Variants in R3HCC1L observed in about 807,000 individuals in gnomAD.
R3HCC1L encodes the protein coiled-coil domain-containing protein R3HCC1L.
A neutral mutation model predicts 59.9 loss-of-function variants in R3HCC1L; 51 were observed. The observed-to-expected ratio is 0.85, with a 90% CI of 0.68 to 1.07. The LOEUF is 1.07. Ranked by LOEUF, R3HCC1L falls within the 50% of genes least tolerant of loss-of-function variation. The pLI is 0.00. For synonymous variants in R3HCC1L, 322 were observed against 315.2 expected (o/e 1.02, Z -0.23); for missense variants, 965 against 933.0 (o/e 1.03, Z -0.45).
intron 8 of R3HCC1L, 74 bp downstream of exon 8, chr10:98,235,594 C>A: frequency 8.8e-7 from 1 of 1,138,646 alleles, no homozygotes; most frequent in Non-Finnish European, 1.3e-6. Flanking sequence ...TTTATAGCAT[C>A]CAGACATCTA....
At chr10:98,158,194 C>T (rs1269630305) in intron 2 of R3HCC1L, among the ~76,000 whole-genome samples, 1 of 152,068 alleles carries the variant, frequency 6.6e-6, no homozygotes, top group Non-Finnish European at 1.5e-5. Context: ...TATGCATTTG[C>T]CTATGTATTT....
At chr10:98,153,801 A>G (rs1438385602) in intron 1 of R3HCC1L, among the ~76,000 whole-genome samples, 1 of 121,074 alleles carries the variant, frequency 8.3e-6, no homozygotes, top group Non-Finnish European at 1.8e-5. Flanking sequence ...ACTGTTTTAC[A>G]TCAAAAAAAA....
chr10:98,171,200 A>G (rs1848475549), intron 4 of R3HCC1L, among the ~76,000 whole-genome samples: 1 of 152,206 alleles, frequency 6.6e-6, no homozygotes, highest in Admixed American at 6.5e-5. Context: ...TTGCATTGCC[A>G]CTTAATATCT....
chr10:98,225,076 G>A (rs1267916709), intron 5 of R3HCC1L, among the ~76,000 whole-genome samples: 1 of 151,882 alleles, frequency 6.6e-6, no homozygotes, highest in Non-Finnish European at 1.5e-5. Flanking sequence ...TTTGTATTAA[G>A]TCTTGAAATC....
intron 5 of R3HCC1L, chr10:98,211,341 G>A (rs1433035949): frequency 2.0e-6 from 3 of 1,533,342 alleles, no homozygotes; most frequent in Non-Finnish European, 2.6e-6. Flanking sequence ...GAGAACCACT[G>A]CTCAAAGGTA....
chr10:98,166,116 C>G (rs1316614973), intron 4 of R3HCC1L, among the ~76,000 whole-genome samples: 1 of 152,168 alleles, frequency 6.6e-6, no homozygotes. Flanking sequence ...TTGCAGTGAG[C>G]TAGGACTGTA....
intron 9 of R3HCC1L, among the ~76,000 whole-genome samples, chr10:98,236,527 C>G (rs907024312): frequency 6.6e-6 from 1 of 152,150 alleles, no homozygotes; most frequent in South Asian, 2.1e-4. Context: ...CCACGATTGC[C>G]ATGATATTGC....
At chr10:98,201,103 T>C (rs1398058787) in intron 4 of R3HCC1L, among the ~76,000 whole-genome samples, 4 of 152,224 alleles carry the variant, frequency 2.6e-5, no homozygotes, top group African/African-American at 9.6e-5. Context: ...GAATGTTCCA[T>C]ATTTTTCCAT....
intron 4 of R3HCC1L, among the ~76,000 whole-genome samples, chr10:98,199,067 C>T (rs1255967147): frequency 6.6e-6 from 1 of 151,930 alleles, no homozygotes; most frequent in Non-Finnish European, 1.5e-5. Context: ...TGTATGAAGT[C>T]TTTGAAATCC....
At chr10:98,230,439 AT>A (rs770582779) in intron 5 of R3HCC1L, among the ~76,000 whole-genome samples, 2 of 151,382 alleles carry the variant, frequency 1.3e-5, no homozygotes, top group African/African-American at 4.9e-5. Flanking sequence ...CCCCTTTATC[AT>A]TTTTTTTGCG....
At chr10:98,229,193 G>A (rs369400933) in intron 5 of R3HCC1L, among the ~76,000 whole-genome samples, 4 of 152,142 alleles carry the variant, frequency 2.6e-5, no homozygotes, top group African/African-American at 4.8e-5. Context: ...CCATTTTCAC[G>A]ATATTGATTC....
intron 1 of R3HCC1L, among the ~76,000 whole-genome samples, chr10:98,144,237 A>T (rs1260223362): frequency 6.6e-5 from 10 of 152,156 alleles, no homozygotes; most frequent in Non-Finnish European, 7.4e-5. Flanking sequence ...CATTCCCGAG[A>T]TGGAGTCTTG....
intron 9 of R3HCC1L, 152 bp from the exon 10 acceptor site, chr10:98,243,939 G>T: frequency 1.7e-6 from 1 of 590,272 alleles, no homozygotes. Context: ...AAAGCACTTA[G>T]GAAATTAAAG....
intron 9 of R3HCC1L, among the ~76,000 whole-genome samples, chr10:98,242,752 C>G (rs1428529318): frequency 1.3e-5 from 2 of 152,056 alleles, no homozygotes; most frequent in African/African-American, 4.8e-5. Context: ...GATGTAGAAC[C>G]AGATTTTGAT....
chr10:98,145,259 A>G (rs773993240), intron 1 of R3HCC1L, among the ~76,000 whole-genome samples: 41 of 152,232 alleles, frequency 2.7e-4, no homozygotes, highest in Non-Finnish European at 4.7e-4. Context: ...CTGTGGAATA[A>G]TGTGGAAACA....
At chr10:98,211,027 A>G (rs969905923) in intron 5 of R3HCC1L, among the ~76,000 whole-genome samples, 1 of 152,192 alleles carries the variant, frequency 6.6e-6, no homozygotes, top group Admixed American at 6.5e-5. Flanking sequence ...CTGTACCACA[A>G]ACGAGCACAT....
rs566591565 is a variant in R3HCC1L, at chr10:98,221,947, T to C, written c.1786-9565T>C. 1.1e-3 allele frequency among the ~76,000 whole-genome samples: 161 copies of C among 152,318 alleles called. 1 individual carries two copies. Among genetic ancestry groups the C allele is most frequent in the African/African-American group, 3.8e-3 (158 of 41,572 alleles). On this transcript the variant is annotated intron_variant, in intron 5 of 9. Transcript: ENST00000298999. Reference sequence around the variant, plus strand: ...ATTAGTAGCTTGATGGGGATGGCATTGAATCTGTAAATTACCTTGGGCAGT... The same window carrying C: ...ATTAGTAGCTTGATGGGGATGGCATCGAATCTGTAAATTACCTTGGGCAGT...
At chr10:98,204,597 C>G (rs1188769729) in intron 4 of R3HCC1L, among the ~76,000 whole-genome samples, 1 of 152,126 alleles carries the variant, frequency 6.6e-6, no homozygotes, top group Non-Finnish European at 1.5e-5. Flanking sequence ...ATTAAATTGG[C>G]AATATAGTGT....
chr10:98,200,432 A>G (rs888283792), intron 4 of R3HCC1L, among the ~76,000 whole-genome samples: 1 of 152,152 alleles, frequency 6.6e-6, no homozygotes, highest in African/African-American at 2.4e-5. Context: ...TTCAATGTCC[A>G]TTTAAGTAAT....
Sources: gnomAD v4.1 joint callset for allele counts (sites outside exome capture counted in the v4.1 genomes callset) on GRCh38, gnomAD v4.1.1 for gene constraint, MANE v1.5 for transcripts, NCBI Gene and HGNC (gene_info 2026-07-23, HGNC 2026-07-21) for gene names.